Variants in DGKI observed in about 807,000 individuals in gnomAD.
DGKI encodes the protein diacylglycerol kinase iota.
A neutral mutation model predicts 147.5 loss-of-function variants in DGKI; 55 were observed. That is an observed-to-expected ratio of 0.37 (90% CI 0.30 to 0.47). The LOEUF is 0.47. DGKI is among the 20% of genes least tolerant of loss of function. DGKI has a pLI of 1.00. For synonymous variants in DGKI, 469 were observed against 477.1 expected, an observed-to-expected ratio of 0.98 and a Z score of 0.22; for missense variants, 1,007 against 1,323.8, an observed-to-expected ratio of 0.76 and a Z score of 3.71.
intron 8 of DGKI, among the ~76,000 whole-genome samples, chr7:137,615,768 G>A (rs555872683): frequency 6.6e-6 from 1 of 152,136 alleles, no homozygotes; most frequent in South Asian, 2.1e-4. Flanking sequence ...GAGACACAAT[G>A]ACTTTTCTCC....
intron 1 of DGKI, among the ~76,000 whole-genome samples, chr7:137,811,377 C>G (rs1173907108): frequency 9.8e-6 from 1 of 102,288 alleles, no homozygotes; most frequent in African/African-American, 3.6e-5. Flanking sequence ...CTCTCTCTCT[C>G]TCTCTCTCAC....
chr7:137,733,942 T>C (rs1385934080), intron 1 of DGKI, among the ~76,000 whole-genome samples: 1 of 152,064 alleles, frequency 6.6e-6, no homozygotes, highest in African/African-American at 2.4e-5. Flanking sequence ...GCTGCACAGA[T>C]CCATTTGAAT....
chr7:137,607,979 T>C (rs1820238704), intron 10 of DGKI, among the ~76,000 whole-genome samples: 1 of 152,212 alleles, frequency 6.6e-6, no homozygotes. Flanking sequence ...GGAAGAATAA[T>C]ATTTCATTTA....
chr7:137,711,292 G>A (rs1261673329), intron 1 of DGKI, among the ~76,000 whole-genome samples: 1 of 152,122 alleles, frequency 6.6e-6, no homozygotes, highest in African/African-American at 2.4e-5. Context: ...CAAGATGATA[G>A]TTAAAATATC....
chr7:137,792,243 T>G (rs1411398501), intron 1 of DGKI, among the ~76,000 whole-genome samples: 2 of 151,992 alleles, frequency 1.3e-5, no homozygotes, highest in Admixed American at 1.3e-4. Context: ...GAGATAGAGA[T>G]AAAGTTAGTT....
At chr7:137,455,966 A>G (rs1814189531) in intron 27 of DGKI, among the ~76,000 whole-genome samples, 2 of 152,172 alleles carry the variant, frequency 1.3e-5, no homozygotes, top group Non-Finnish European at 2.9e-5. Flanking sequence ...GATCTGTTTA[A>G]TCAAATTATT....
At chr7:137,606,199 T>C (rs1820179234) in intron 10 of DGKI, among the ~76,000 whole-genome samples, 1 of 152,072 alleles carries the variant, frequency 6.6e-6, no homozygotes, top group South Asian at 2.1e-4. Flanking sequence ...CTTCAAAATG[T>C]TTTTCTTACA....
intron 5 of DGKI, among the ~76,000 whole-genome samples, chr7:137,653,859 G>A (rs1270433784): frequency 6.6e-6 from 1 of 152,186 alleles, no homozygotes; most frequent in African/African-American, 2.4e-5. Context: ...TGTTTGGGAG[G>A]CAGTGAGTGA....
intron 1 of DGKI, among the ~76,000 whole-genome samples, chr7:137,819,512 G>T (rs529309022): frequency 6.6e-6 from 1 of 151,856 alleles, no homozygotes; most frequent in African/African-American, 2.4e-5. Flanking sequence ...GGGTTTCACC[G>T]TGTTAGCCAG....
chr7:137,531,968 C>T (rs935257652), intron 20 of DGKI, among the ~76,000 whole-genome samples: 1 of 151,582 alleles, frequency 6.6e-6, no homozygotes, highest in South Asian at 2.1e-4. Flanking sequence ...TTTAAAACAG[C>T]ATTTTAACCA....
At chr7:137,660,358 T>C (rs149958544) in intron 3 of DGKI, among the ~76,000 whole-genome samples, 179 of 152,318 alleles carry the variant, frequency 1.2e-3, no homozygotes, top group African/African-American at 4.3e-3. Flanking sequence ...ATATATATGC[T>C]AGGTTTTAGG....
At chr7:137,576,826 C>T (rs1001712221) in intron 17 of DGKI, among the ~76,000 whole-genome samples, 5 of 152,138 alleles carry the variant, frequency 3.3e-5, no homozygotes, top group African/African-American at 4.8e-5. Flanking sequence ...TGGAGAGTAC[C>T]GATTTATGCT....
chr7:137,777,031 A>T (rs1319235424), intron 1 of DGKI, among the ~76,000 whole-genome samples: 1 of 152,074 alleles, frequency 6.6e-6, no homozygotes. Context: ...CCAAAAAAAA[A>T]AATTTTTTTT....
At chr7:137,827,067 C>T (rs1211707268) in intron 1 of DGKI, among the ~76,000 whole-genome samples, 1 of 152,106 alleles carries the variant, frequency 6.6e-6, no homozygotes, top group African/African-American at 2.4e-5. Flanking sequence ...CAGGGGTCCC[C>T]CTTCCTTCTT....
At chr7:137,829,535 A>G (rs1333053184) in intron 1 of DGKI, among the ~76,000 whole-genome samples, 1 of 152,268 alleles carries the variant, frequency 6.6e-6, no homozygotes, top group Non-Finnish European at 1.5e-5. Context: ...TGTGCTGTCC[A>G]GCAGGACAGC....
chr7:137,786,140 A>C (rs1258291939), intron 1 of DGKI, among the ~76,000 whole-genome samples: 1 of 152,176 alleles, frequency 6.6e-6, no homozygotes, highest in Non-Finnish European at 1.5e-5. Context: ...GGCAAGAGAA[A>C]GAAATAAAGG....
chr7:137,738,103 GC>G (rs1437114949), intron 1 of DGKI, among the ~76,000 whole-genome samples: 1 of 152,068 alleles, frequency 6.6e-6, no homozygotes, highest in Admixed American at 6.5e-5. Flanking sequence ...TCAATATATA[GC>G]CCTATAAAAT....
chr7:137,428,524 T>C (rs1812918010), intron 28 of DGKI, among the ~76,000 whole-genome samples: 1 of 152,114 alleles, frequency 6.6e-6, no homozygotes, highest in Non-Finnish European at 1.5e-5. Context: ...CCACTCCTAT[T>C]TGACATAGTG....
At chr7:137,493,384 G>T (rs913178650) in intron 21 of DGKI, among the ~76,000 whole-genome samples, 2 of 152,160 alleles carry the variant, frequency 1.3e-5, no homozygotes, top group Admixed American at 6.5e-5. Context: ...CACTGCTGTT[G>T]CTTCTGGCAT....
Sources: allele counts gnomAD v4.1 joint callset (sites outside exome capture counted in the v4.1 genomes callset), GRCh38; gene constraint gnomAD v4.1.1; transcripts MANE v1.5; gene names NCBI Gene and HGNC (gene_info 2026-07-23, HGNC 2026-07-21).